Variants in FOCAD observed in about 807,000 individuals in gnomAD.
FOCAD encodes KIAA1797.
Under a neutral mutation model 225.6 loss-of-function variants are expected in FOCAD, and 198 were observed. That is an observed-to-expected ratio of 0.88 (90% CI 0.78 to 0.99). The LOEUF (loss-of-function observed/expected upper bound fraction) is 0.99. Among genes scored for constraint, FOCAD ranks in the 50% least tolerant of loss-of-function variants. FOCAD has a pLI of 0.00. For synonymous variants in FOCAD, 897 were observed against 755.0 expected, an observed-to-expected ratio of 1.19 and a Z score of -3.08; for missense variants, 2,713 against 2,123.6, an observed-to-expected ratio of 1.28 and a Z score of -5.46.
At chr9:20,966,628 A>G (rs867952929) in intron 35 of FOCAD, among the ~76,000 whole-genome samples, 1 of 152,062 alleles carries the variant, frequency 6.6e-6, no homozygotes, top group Non-Finnish European at 1.5e-5. Flanking sequence ...GTTTTCTTCT[A>G]GGAGTTTGAT....
chr9:20,754,671 A>T lies in FOCAD; in HGVS notation c.393-3419A>T, dbSNP rs887379598. Among the ~76,000 whole-genome samples, 9 of 151,860 alleles carry T rather than the reference A, an allele frequency of 5.9e-5. No homozygotes were observed. The East Asian group carries it at 1.5e-3, about 26-fold the overall frequency. ...CAGGAGCAATTTTGTCCTCCAGGGG[A>T]TATTTGGCAATGTCTGGAGACAATT... On this transcript the variant is annotated intron_variant, in intron 5 of 43. Transcript: ENST00000338382.
At chr9:20,797,027 T>C (rs1039996170) in intron 11 of FOCAD, among the ~76,000 whole-genome samples, 2 of 152,230 alleles carry the variant, frequency 1.3e-5, no homozygotes, top group African/African-American at 2.4e-5. Flanking sequence ...TTCAGCTTTC[T>C]CCGTATGGCT....
chr9:20,982,276 G>T, intron 38 of FOCAD, 81 bp from the exon 39 acceptor site: 1 of 1,038,528 alleles, frequency 9.6e-7, no homozygotes. Flanking sequence ...ATGGGGATAA[G>T]AAAATCTAAT....
At chr9:20,981,350 T>C (rs911028685) in intron 37 of FOCAD, 76 bp from the exon 38 acceptor site, 38 of 1,492,980 alleles carry the variant, frequency 2.5e-5, no homozygotes, top group Non-Finnish European at 3.2e-5. Context: ...TCAAACACAG[T>C]GATGATGTAC....
At chr9:20,852,376 G>A (rs1827743545) in intron 15 of FOCAD, among the ~76,000 whole-genome samples, 1 of 151,348 alleles carries the variant, frequency 6.6e-6, no homozygotes, top group South Asian at 2.1e-4. Context: ...GTAGTTAGTT[G>A]TGTGAGCCAC....
rs185515759 is a variant in FOCAD at position 20,826,915 on chromosome 9, A to G, written c.1920+3800A>G. 2.7e-3 allele frequency among the ~76,000 whole-genome samples: 408 copies of G among 152,196 alleles called. 2 individuals carry two copies. The highest frequency in any genetic ancestry group is 9.2e-3 in the African/African-American group (383 of 41,556). ...GCATTCTCTTTTTCATATCTTTTCC[A>G]TTGAGCTTTCTCATCACTTTTTATC... is the stretch of plus-strand genomic sequence containing the variant. On this transcript the variant is annotated intron_variant, in intron 15 of 43. Coordinates refer to ENST00000338382, the MANE Select transcript of FOCAD (RefSeq NM_001375567.1).
At chr9:20,918,858 G>T (rs1834108861) in intron 24 of FOCAD, among the ~76,000 whole-genome samples, 1 of 152,162 alleles carries the variant, frequency 6.6e-6, no homozygotes, top group Admixed American at 6.5e-5. Flanking sequence ...GATAGAGCAG[G>T]GGAAAAAATC....
At chr9:20,809,909 A>G (rs1434387097) in intron 11 of FOCAD, among the ~76,000 whole-genome samples, 1 of 152,122 alleles carries the variant, frequency 6.6e-6, no homozygotes, top group Non-Finnish European at 1.5e-5. Context: ...CTTTTTAGAA[A>G]TCCTAAAAAC....
intron 11 of FOCAD, among the ~76,000 whole-genome samples, chr9:20,800,867 C>G (rs1821739390): frequency 6.6e-6 from 1 of 152,152 alleles, no homozygotes; most frequent in South Asian, 2.1e-4. Flanking sequence ...CATTCTCCAT[C>G]CAGCTTTGTT....
intron 5 of FOCAD, among the ~76,000 whole-genome samples, chr9:20,745,332 C>T (rs1290186728): frequency 6.6e-6 from 1 of 152,096 alleles, no homozygotes; most frequent in Non-Finnish European, 1.5e-5. Flanking sequence ...TCAAGCGATC[C>T]ACCTGCTTCG....
At chr9:20,710,442 A>G (rs1038712704) in intron 1 of FOCAD, among the ~76,000 whole-genome samples, 5 of 151,702 alleles carry the variant, frequency 3.3e-5, no homozygotes, top group African/African-American at 9.7e-5. Flanking sequence ...CTAAAAATAC[A>G]AAAAATTAGC....
rs10964752 is a variant in FOCAD, at chr9:20,914,895, T to C, written c.2807+1941T>C. Reference sequence around the variant, plus strand: ...GATAATAGTGTTTTAGACTAGGATGTTAGTGTGGAAAAGTAAATTGATTTT... The same window carrying C: ...GATAATAGTGTTTTAGACTAGGATGCTAGTGTGGAAAAGTAAATTGATTTT... On this transcript the variant is annotated intron_variant, in intron 23 of 43. Coordinates refer to ENST00000338382, the MANE Select transcript of FOCAD (RefSeq NM_001375567.1). Among the ~76,000 whole-genome samples, 1,931 of 152,266 alleles carry C rather than the reference T, an allele frequency of 0.013. 95 individuals carry two copies. In the East Asian group the frequency reaches 0.16, roughly 13 times the overall value.
chr9:20,762,673 G>C (rs1829713529), intron 6 of FOCAD, among the ~76,000 whole-genome samples: 1 of 152,080 alleles, frequency 6.6e-6, no homozygotes, highest in African/African-American at 2.4e-5. Flanking sequence ...TAATTAAAAA[G>C]AATTCCCTTT....
At chr9:20,936,289 A>C (rs1835956019) in intron 28 of FOCAD, among the ~76,000 whole-genome samples, 1 of 152,208 alleles carries the variant, frequency 6.6e-6, no homozygotes, top group South Asian at 2.1e-4. Context: ...GCCTTTAGGA[A>C]CTTATGATTT....
In FOCAD at chr9:20,781,919, A is replaced by C. The variant is rs765982695; in HGVS notation, c.1187A>C (p.Asp396Ala). 3.7e-6 allele frequency: 6 copies of C among 1,613,744 alleles called. No individual in the cohort carries two copies. In the Admixed American group the frequency reaches 6.7e-5, roughly 18 times the overall value. Residue 396 changes from aspartate to alanine, a missense_variant, in exon 10 of 44, where the codon GAC becomes GCC. Coordinates refer to ENST00000338382, the MANE Select transcript of FOCAD (RefSeq NM_001375567.1). ...EMIQQECYRD[D>A]HQKLSYKLVC... is the part of the protein sequence containing the mutation. ...ATACAGCAGGAATGTTACAGAGATG[A>C]CCACCAAAAGGTAATGAATCTATCC...
chr9:20,669,819 G>T (rs1023506304), intron 2 of FOCAD, among the ~76,000 whole-genome samples: 2 of 152,042 alleles, frequency 1.3e-5, no homozygotes, highest in Admixed American at 1.3e-4. Flanking sequence ...GCCCATGTAA[G>T]CATTACTGAA....
At chr9:20,718,411 T>C (rs1030685476) in intron 3 of FOCAD, among the ~76,000 whole-genome samples, 1 of 151,434 alleles carries the variant, frequency 6.6e-6, no homozygotes, top group Non-Finnish European at 1.5e-5. Context: ...TTGATCAGTG[T>C]TGTGTGTTTT....
chr9:20,887,401 A>C (rs1030597015), intron 21 of FOCAD, among the ~76,000 whole-genome samples: 11 of 151,702 alleles, frequency 7.3e-5, no homozygotes, highest in Non-Finnish European at 5.9e-5. Context: ...CGCCCAGCTA[A>C]TTTTTGTATT....
chr9:20,883,103 G>T (rs1333178348), intron 20 of FOCAD, among the ~76,000 whole-genome samples: 1 of 152,124 alleles, frequency 6.6e-6, no homozygotes, highest in Non-Finnish European at 1.5e-5. Flanking sequence ...ACACCATTTA[G>T]TACTTCTGTG....
Sources: allele counts gnomAD v4.1 joint callset (sites outside exome capture counted in the v4.1 genomes callset), GRCh38; gene constraint gnomAD v4.1.1; transcripts MANE v1.5; gene names NCBI Gene and HGNC (gene_info 2026-07-23, HGNC 2026-07-21).